The following HMX1 variants were observed in gnomAD, a reference collection of about 807,000 sequenced individuals.
HMX1 encodes homeobox protein HMX1.
In HMX1, 8 loss-of-function variants were observed where a neutral mutation model predicts 8.9. The ratio of observed to expected loss-of-function variants is 0.90; its 90% CI spans 0.53 to 1.63. The LOEUF is 1.63. Ranked by LOEUF, HMX1 falls within the 40% of genes most tolerant of loss-of-function variation. HMX1 has a pLI of 0.00. For missense variants in HMX1, 621 were observed against 558.5 expected, an observed-to-expected ratio of 1.11 and a Z score of -1.13; for synonymous variants, 311 against 283.4, an observed-to-expected ratio of 1.10 and a Z score of -0.98.
downstream of HMX1, among the ~76,000 whole-genome samples, chr4:8,864,517 G>A (rs1268386781): frequency 6.6e-6 from 1 of 152,214 alleles, no homozygotes; most frequent in Non-Finnish European, 1.5e-5. Flanking sequence ...CAACGCGCTC[G>A]AGGTGCACCC....
In HMX1 at chr4:8,867,136, G is replaced by T; in HGVS notation, c.*557C>A. On this transcript the variant is annotated 3_prime_UTR_variant, in exon 2 of 2. Coordinates refer to ENST00000400677, the MANE Select transcript of HMX1 (RefSeq NM_018942.3). ...CCGGAGGCTGCGACGTCTGCAGAGA[G>T]CCCCAGCCTGCCTGCTCCTGGAACG... 1 of 985,550 alleles carries T rather than the reference G, an allele frequency of 1.0e-6. No individual in the cohort carries two copies. The highest frequency in any genetic ancestry group is 4.7e-5 in the South Asian group (1 of 21,286). The allele number at this position is 985,550 out of a possible 1,614,324, so 61.1% of individuals were successfully genotyped here.
Position 8,854,109 on chromosome 4 carries a change from C to T in HMX1, c.395-7785G>A, listed in dbSNP as rs577884537. Among the ~76,000 whole-genome samples the T allele has an allele frequency of 1.5e-3, 232 of 152,286 alleles. 1 individual carries two copies. Among genetic ancestry groups the T allele is most frequent in the Middle Eastern group, 6.8e-3 (2 of 294 alleles). ...CCCTTCTCCCTGTCTTACCCTGCCT[C>T]GAATGGGTCCTGGAGGCCTGATGTG... is the stretch of plus-strand genomic sequence containing the variant. On this transcript the variant is annotated intron_variant, in intron 1 of 1. Transcript: ENST00000506970.
intron 1 of HMX1, among the ~76,000 whole-genome samples, chr4:8,851,146 C>A (rs369300615): frequency 1.3e-5 from 2 of 152,252 alleles, no homozygotes; most frequent in Admixed American, 1.3e-4. Flanking sequence ...GGAGACCAGA[C>A]CCCGTGTGTC....
In HMX1 at chr4:8,847,920, GC is replaced by G. The variant is rs1450962040; in HGVS notation, c.395-1597del. On this transcript the variant is annotated intron_variant, in intron 1 of 1. Transcript: ENST00000506970. This position sits in a 1 kb window ranked among gnomAD's most constrained non-coding sequence, Gnocchi z 6.0. ...GATTAAGTTGAACTGGAATCAACGA[GC>G]CCCCTATACTCCAGGCTTTACGGTA... Among the ~76,000 whole-genome samples the G allele has an allele frequency of 6.6e-6, 1 of 152,162 alleles. No individual in the cohort carries two copies. The highest frequency in any genetic ancestry group is 2.4e-5 in the African/African-American group (1 of 41,450).
chr4:8,867,352 G>A lies in HMX1; in HGVS notation c.*341C>T. 1 of 1,017,046 alleles carries A rather than the reference G, an allele frequency of 9.8e-7. No homozygotes were observed. The highest frequency in any genetic ancestry group is 1.2e-6 in the Non-Finnish European group (1 of 851,246). 63.0% of individuals were successfully genotyped at this position (1,017,046 alleles called of 1,614,324 possible). On this transcript the variant is annotated 3_prime_UTR_variant, in exon 2 of 2. Transcript: ENST00000400677. ...AGTTTTCCTTTGTTGCGCTGGGCTTGGCCTGAGGGCAGCTGCCCCGGGTGG... is the reference window on the plus strand; with the variant it reads ...AGTTTTCCTTTGTTGCGCTGGGCTTAGCCTGAGGGCAGCTGCCCCGGGTGG...
intron 1 of HMX1, among the ~76,000 whole-genome samples, chr4:8,859,719 G>A (rs1399660924): frequency 6.6e-6 from 1 of 152,226 alleles, no homozygotes; most frequent in East Asian, 1.9e-4. Flanking sequence ...TCTATGTGAC[G>A]TGGAGTCGCA....
At position 8,847,840 on chromosome 4, in the gene HMX1, G is replaced by C. The variant is rs1198890377; in HGVS notation, c.395-1516C>G. On this transcript the variant is annotated intron_variant, in intron 1 of 1. Coordinates refer to the HMX1 transcript ENST00000506970. This position sits in a 1 kb window ranked among gnomAD's most constrained non-coding sequence, Gnocchi z 6.0. ...AACAGGGGAATGGGAAGGACAAGAA[G>C]AACCTCGGGGTTGGCTGGAGTGGCT... Among the ~76,000 whole-genome samples, 1 of 152,204 alleles carries C rather than the reference G, an allele frequency of 6.6e-6. No individual in the cohort carries two copies. The highest frequency in any genetic ancestry group is 2.1e-4 in the South Asian group (1 of 4,824).
At chr4:8,861,960 A>C (rs1721841939) in intron 1 of HMX1, among the ~76,000 whole-genome samples, 1 of 152,196 alleles carries the variant, frequency 6.6e-6, no homozygotes, top group Non-Finnish European at 1.5e-5. Context: ...CGCGTGGGTG[A>C]CTCGGGCTGG....
At position 8,871,727 on chromosome 4, in the gene HMX1, CTGGCGTCGGGCCCCGCAGG is replaced by C; in HGVS notation, c.-132_-114del. On this transcript the variant is annotated 5_prime_UTR_variant, in exon 1 of 2. Coordinates refer to ENST00000400677, the MANE Select transcript of HMX1 (RefSeq NM_018942.3). This position sits in a 1 kb window ranked among gnomAD's most constrained non-coding sequence, Gnocchi z 4.8. ...GGCCCTGGAGCTGCTACCCGGACCG[CTGGCGTCGGGCCCCGCAGG>C]GCAGGCGGCGGCCTCCGCGCCGGGC... is the stretch of plus-strand genomic sequence containing the variant. 1 of 1,046,596 alleles carries C rather than the reference CTGGCGTCGGGCCCCGCAGG, an allele frequency of 9.6e-7. No homozygotes were observed. The highest frequency in any genetic ancestry group is 6.9e-5 in the East Asian group (1 of 14,476). 64.8% of individuals were successfully genotyped at this position (1,046,596 alleles called of 1,614,324 possible).
rs186843677 is a variant in HMX1 at position 8,848,670 on chromosome 4, T to C, written c.395-2346A>G. Among the ~76,000 whole-genome samples, 39 of 152,254 alleles carry C rather than the reference T, an allele frequency of 2.6e-4. No homozygotes were observed. Among genetic ancestry groups the C allele is most frequent in the African/African-American group, 7.7e-4 (32 of 41,552 alleles). ...AACCAGGCTCCCCCATCCCCCTTTT[T>C]TCAGATATGCCTTGCAAGAACACAG... On this transcript the variant is annotated intron_variant, in intron 1 of 1. Transcript: ENST00000506970. This position sits in a 1 kb window ranked among gnomAD's most constrained non-coding sequence, Gnocchi z 4.1.
In HMX1 at chr4:8,867,091, T is replaced by C. The variant is rs185933403; in HGVS notation, c.*602A>G. ...TTATTCCATACGCAAATAAGTAGAT[T>C]CATTTAAAAAAACAACAACCCGGAG... On this transcript the variant is annotated 3_prime_UTR_variant, in exon 2 of 2. Transcript: ENST00000400677. 123 of 985,396 alleles carry C rather than the reference T, an allele frequency of 1.2e-4. 1 individual carries two copies. In the African/African-American group the frequency reaches 2.1e-3, roughly 16 times the overall value. 61.0% of individuals were successfully genotyped at this position (985,396 alleles called of 1,614,324 possible). A position where few individuals can be genotyped will look rare whatever the true frequency, so the allele number is the denominator to read the frequency against.
intron 1 of HMX1, chr4:8,858,791 G>A (rs971939407): frequency 1.3e-5 from 2 of 152,292 alleles, no homozygotes; most frequent in African/African-American, 2.4e-5. Flanking sequence ...GGGCCCCGTC[G>A]AGAATGAAAC....
rs1722058401 is a variant in HMX1 at position 8,867,816 on chromosome 4, GGGC to G, written c.921_923del (p.Pro308del). 1 of 1,225,604 alleles carries G rather than the reference GGGC, an allele frequency of 8.2e-7. No homozygotes were observed. Among genetic ancestry groups the G allele is most frequent in the African/African-American group, 1.6e-5 (1 of 63,582 alleles). The allele number at this position is 1,225,604 out of a possible 1,614,324, so 75.9% of individuals were successfully genotyped here. Reference sequence around the variant, plus strand: ...GCGGTGGGGGCGGCGCGGGCGCGGCGGGCGCCAGCGGGAAGGGCAGGGTGGCCG... The same window carrying G: ...GCGGTGGGGGCGGCGCGGGCGCGGCGGCCAGCGGGAAGGGCAGGGTGGCCG... On this transcript the variant is annotated inframe_deletion, in exon 2 of 2. Transcript: ENST00000400677.
intron 1 of HMX1, among the ~76,000 whole-genome samples, chr4:8,856,844 T>G (rs1029200632): frequency 1.3e-5 from 2 of 152,150 alleles, no homozygotes; most frequent in African/African-American, 4.8e-5. Context: ...ATCCCAACAC[T>G]TGGGGAGGCC....
At chr4:8,850,675 AT>A (rs1206059306) in intron 1 of HMX1, among the ~76,000 whole-genome samples, 1 of 152,094 alleles carries the variant, frequency 6.6e-6, no homozygotes, top group African/African-American at 2.4e-5. Context: ...AGTTCAGAAT[AT>A]TCTTCTGGCT....
Position 8,870,400 on chromosome 4 carries a change from G to A in HMX1, c.394+821C>T, listed in dbSNP as rs1722172101. ...AGCAAGGGGGCAAAGGGGTTCTGGGGTTGAGAACCCCCAGCCCCAGTCTCA... is the reference window on the plus strand; with the variant it reads ...AGCAAGGGGGCAAAGGGGTTCTGGGATTGAGAACCCCCAGCCCCAGTCTCA... On this transcript the variant is annotated intron_variant, in intron 1 of 1. Coordinates refer to ENST00000400677, the MANE Select transcript of HMX1 (RefSeq NM_018942.3). This position sits in a 1 kb window ranked among gnomAD's most constrained non-coding sequence, Gnocchi z 4.4. Among the ~76,000 whole-genome samples, 1 of 152,036 alleles carries A rather than the reference G, an allele frequency of 6.6e-6. No individual in the cohort carries two copies. The highest frequency in any genetic ancestry group is 2.4e-5 in the African/African-American group (1 of 41,390).
chr4:8,871,075 G>T lies in HMX1; in HGVS notation c.394+146C>A, dbSNP rs1722196696. 1.1e-6 allele frequency: 1 copy of T among 924,554 alleles called. No individual in the cohort carries two copies. Among genetic ancestry groups the T allele is most frequent in the Non-Finnish European group, 1.4e-6 (1 of 706,608 alleles). The allele number at this position is 924,554 out of a possible 1,614,324, so 57.3% of individuals were successfully genotyped here. A position where few individuals can be genotyped will look rare whatever the true frequency, so the allele number is the denominator to read the frequency against. On this transcript the variant is annotated intron_variant, in intron 1 of 1. Transcript: ENST00000400677. This position sits in a 1 kb window ranked among gnomAD's most constrained non-coding sequence, Gnocchi z 4.8. ...AAACCAGCCCAACCAGGGGCTCCTGGGGGCCCCACAAGGCCCAGACGCCGT... is the reference window on the plus strand; with the variant it reads ...AAACCAGCCCAACCAGGGGCTCCTGTGGGCCCCACAAGGCCCAGACGCCGT...
At chr4:8,865,742 G>A (rs866187017), downstream of HMX1, among the ~76,000 whole-genome samples, 2 of 152,214 alleles carry the variant, frequency 1.3e-5, no homozygotes, top group South Asian at 2.1e-4. Flanking sequence ...GCCCCTCATG[G>A]CCGCCAACAG....
At chr4:8,846,086 C>A in exon 2 of HMX1, 1 of 606,826 alleles carries the variant, frequency 1.6e-6, no homozygotes, top group South Asian at 2.0e-5. Flanking sequence ...TGGGTGCACA[C>A]ACTAAGGTTT....
Sources: gnomAD v4.1 joint callset for allele counts (sites outside exome capture counted in the v4.1 genomes callset) on GRCh38, gnomAD v4.1.1 for gene constraint, Gnocchi (gnomAD v3.1) non-coding constraint, MANE v1.5 for transcripts, NCBI Gene and HGNC (gene_info 2026-07-23, HGNC 2026-07-21) for gene names.